ITGA1: variants seen among roughly 807,000 people sequenced by gnomAD.
The protein encoded by ITGA1 is integrin alpha-1.
ITGA1 carries 85 observed loss-of-function variants against 145.9 expected under a neutral mutation model. The observed-to-expected ratio is 0.58, with a 90% CI of 0.49 to 0.70. ITGA1 has a LOEUF of 0.70. Among genes scored for constraint, ITGA1 ranks in the 30% least tolerant of loss-of-function variants. The pLI is 0.00. For synonymous variants in ITGA1, 520 were observed against 495.3 expected (o/e 1.05, Z -0.66); for missense variants, 1,351 against 1,418.7 (o/e 0.95, Z 0.77).
chr5:52,820,039 G>C (rs931196093), intron 1 of ITGA1, among the ~76,000 whole-genome samples: 5 of 136,612 alleles, frequency 3.7e-5, no homozygotes, highest in African/African-American at 1.5e-4. Flanking sequence ...TGCTGTTTTG[G>C]TTACTGTAGC....
chr5:52,869,772 A>G (rs984781939), intron 6 of ITGA1, among the ~76,000 whole-genome samples: 2 of 152,238 alleles, frequency 1.3e-5, no homozygotes, highest in Non-Finnish European at 2.9e-5. Context: ...TATTTTAAAA[A>G]TTATTTTAAG....
rs72756552 is a variant in ITGA1, at chr5:52,827,003, A to G, written c.62-22362A>G. On this transcript the variant is annotated intron_variant, in intron 1 of 28. Transcript: ENST00000282588. ...TACATTTCATAAGACTATAGCTGTC[A>G]TAGATAGTGATTCCTCTGATGGATC... is the stretch of plus-strand genomic sequence containing the variant. 9.6e-3 allele frequency among the ~76,000 whole-genome samples: 1,458 copies of G among 152,200 alleles called. 7 individuals carry two copies. The highest frequency in any genetic ancestry group is 0.014 in the Non-Finnish European group (961 of 67,992).
At chr5:52,839,583 A>C (rs927981616) in intron 1 of ITGA1, among the ~76,000 whole-genome samples, 2 of 152,198 alleles carry the variant, frequency 1.3e-5, no homozygotes, top group African/African-American at 4.8e-5. Context: ...GAACCTGAAG[A>C]AAAAGTTGTA....
chr5:52,852,809 C>A (rs1749449176), intron 2 of ITGA1, among the ~76,000 whole-genome samples: 1 of 152,056 alleles, frequency 6.6e-6, no homozygotes, highest in African/African-American at 2.4e-5. Context: ...TGCACTCAAT[C>A]ATTATTTGTT....
chr5:52,882,359 A>T (rs963606360), intron 7 of ITGA1, among the ~76,000 whole-genome samples: 1 of 152,146 alleles, frequency 6.6e-6, no homozygotes, highest in Non-Finnish European at 1.5e-5. Context: ...AAGAGTCTCA[A>T]TCTAAAAGAA....
chr5:52,889,311 G>A (rs576386138), intron 8 of ITGA1, among the ~76,000 whole-genome samples: 2 of 152,032 alleles, frequency 1.3e-5, no homozygotes, highest in Non-Finnish European at 2.9e-5. Flanking sequence ...CATGTTGGTC[G>A]GGCCGGTCTT....
intron 6 of ITGA1, among the ~76,000 whole-genome samples, chr5:52,878,998 GTTGGAGGTC>G (rs1561235229): frequency 2.6e-5 from 4 of 151,592 alleles, no homozygotes; most frequent in Admixed American, 2.6e-4. Context: ...TAATGAATTA[GTTGGAGGTC>G]TTGATATGGT....
At chr5:52,925,215 G>A in intron 18 of ITGA1, 63 bp from the exon 19 acceptor site, 1 of 1,248,658 alleles carries the variant, frequency 8.0e-7, no homozygotes, top group South Asian at 1.2e-5. Context: ...TACACAAATT[G>A]ATGGGTAATT....
At chr5:52,877,042 G>T (rs960400785) in intron 6 of ITGA1, among the ~76,000 whole-genome samples, 6 of 152,168 alleles carry the variant, frequency 3.9e-5, no homozygotes, top group Non-Finnish European at 7.4e-5. Flanking sequence ...AGGTCAAGAG[G>T]AGAAAACTGG....
At chr5:52,793,543 A>G (rs1748282170) in intron 1 of ITGA1, among the ~76,000 whole-genome samples, 1 of 152,110 alleles carries the variant, frequency 6.6e-6, no homozygotes, top group Non-Finnish European at 1.5e-5. Context: ...CAAAATTGGG[A>G]AAATGTGCGT....
intron 1 of ITGA1, among the ~76,000 whole-genome samples, chr5:52,829,426 A>G (rs1327581012): frequency 2.0e-5 from 3 of 152,140 alleles, no homozygotes; most frequent in African/African-American, 7.2e-5. Flanking sequence ...CTTTAGAAAA[A>G]TGTGGTAGTC....
chr5:52,889,561 A>C (rs901843400), intron 8 of ITGA1: 2 of 150,770 alleles, frequency 1.3e-5, no homozygotes, highest in Non-Finnish European at 2.9e-5. Flanking sequence ...TCTAAATCTA[A>C]CTTTAAAAAA....
intron 8 of ITGA1, among the ~76,000 whole-genome samples, chr5:52,888,619 A>G (rs1750093007): frequency 6.6e-6 from 1 of 152,254 alleles, no homozygotes; most frequent in Admixed American, 6.5e-5. Flanking sequence ...TCGACCTAAA[A>G]TGTAGACATT....
chr5:52,845,829 G>A (rs1749325698), intron 1 of ITGA1, among the ~76,000 whole-genome samples: 1 of 152,088 alleles, frequency 6.6e-6, no homozygotes, highest in African/African-American at 2.4e-5. Context: ...TGCATTTCTT[G>A]TATCAAAAAA....
At position 52,955,249 on chromosome 5, in the gene ITGA1, TA is replaced by T. The variant is rs1751285670; in HGVS notation, c.*2800del. ...CATTTTCAAACTACCAAAGTGACCCTAATCAGCTTACAAAATTCCTGGAAAT... is the reference window on the plus strand; with the variant it reads ...CATTTTCAAACTACCAAAGTGACCCTATCAGCTTACAAAATTCCTGGAAAT... On this transcript the variant is annotated 3_prime_UTR_variant, in exon 29 of 29. Transcript: ENST00000282588. The T allele has an allele frequency of 6.6e-6, 1 of 152,076 alleles. No individual in the cohort carries two copies. Among genetic ancestry groups the T allele is most frequent in the African/African-American group, 2.4e-5 (1 of 41,412 alleles). The allele number at this position is 152,076 out of a possible 1,614,324, so 9.4% of individuals were successfully genotyped here.
In ITGA1 at chr5:52,849,428, C is replaced by G; in HGVS notation, c.125C>G (p.Pro42Arg). 2 of 1,610,680 alleles carry G rather than the reference C, an allele frequency of 1.2e-6. No individual in the cohort carries two copies. The highest frequency in any genetic ancestry group is 1.3e-5 in the African/African-American group (1 of 74,862). The change falls in exon 2 of 29, where the codon CCG becomes CGG. Residue 42 changes from proline (P) to arginine (R), a missense_variant. Pro to Arg is a moderately radical substitution (Grantham distance 103, BLOSUM62 -2). Transcript: ENST00000282588. ...DVKNSMTFSGPVEDMFGYTVQ... is the reference protein window; with the variant it reads ...DVKNSMTFSGRVEDMFGYTVQ... The stretch of plus-strand genomic sequence containing the variant: ...AAAAATTCAATGACTTTCAGCGGCC[C>G]GGTGGAAGACATGTTTGGATATACT...
intron 1 of ITGA1, among the ~76,000 whole-genome samples, chr5:52,813,147 C>T (rs557475727): frequency 7.2e-5 from 11 of 152,200 alleles, no homozygotes; most frequent in African/African-American, 2.6e-4. Context: ...TTCAAGGATA[C>T]CACTGAGTGC....
chr5:52,949,112 C>T (rs1002262647), intron 28 of ITGA1, among the ~76,000 whole-genome samples: 5 of 152,050 alleles, frequency 3.3e-5, no homozygotes, highest in East Asian at 1.9e-4. Flanking sequence ...CTGTCTTACC[C>T]GGTAGAAATA....
Position 52,937,515 on chromosome 5 carries a change from G to A in ITGA1, c.3078+1G>A, listed in dbSNP as rs1469956603. The A allele has an allele frequency of 1.8e-5, 28 of 1,555,748 alleles. No individual in the cohort carries two copies. The highest frequency in any genetic ancestry group is 2.4e-5 in the Non-Finnish European group (27 of 1,127,422). On this transcript the variant is annotated splice_donor_variant, in intron 24 of 28. Transcript: ENST00000282588. LOFTEE classifies it high-confidence loss of function. ...CCCAACTGGATTGTCATCTTCTGAG[G>A]TAAGTCATGTGTGCCTTGGAATTAT...
Sources: gnomAD v4.1 joint callset for allele counts (sites outside exome capture counted in the v4.1 genomes callset) on GRCh38, gnomAD v4.1.1 for gene constraint, MANE v1.5 for transcripts, NCBI Gene and HGNC (gene_info 2026-07-23, HGNC 2026-07-21) for gene names.